The following DGKZ variants were observed in gnomAD, a reference collection of about 807,000 sequenced individuals.
The protein encoded by DGKZ is DAG kinase zeta.
Under a neutral mutation model 142.5 loss-of-function variants are expected in DGKZ, and 45 were observed. That is an observed-to-expected ratio of 0.32 (90% CI 0.25 to 0.40). The LOEUF (loss-of-function observed/expected upper bound fraction) is 0.40. DGKZ is among the 10% of genes least tolerant of loss of function. The pLI is 1.00. For missense variants in DGKZ, 755 were observed against 1,306.5 expected, an observed-to-expected ratio of 0.58 and a Z score of 6.51; for synonymous variants, 442 against 527.0, an observed-to-expected ratio of 0.84 and a Z score of 2.21.
rs539478353 is a variant in DGKZ, at chr11:46,367,274, TGTC to T, written c.162-16_162-14del. The T allele has an allele frequency of 2.4e-3, 3,823 of 1,606,350 alleles. 8 individuals carry two copies. The highest frequency in any genetic ancestry group is 2.9e-3 in the Non-Finnish European group (3,354 of 1,175,438). On this transcript the variant is annotated splice_polypyrimidine_tract_variant and intron_variant, in intron 1 of 30. Transcript: ENST00000527911. This position sits in a 1 kb window ranked among gnomAD's most constrained non-coding sequence, Gnocchi z 4.1. ...GCAAGTGCTCAGCCCCCTCCTCAGCTGTCTTCTCCTCTCTAGGAAAGCCATCAC... is the reference window on the plus strand; with the variant it reads ...GCAAGTGCTCAGCCCCCTCCTCAGCTTTCTCCTCTCTAGGAAAGCCATCAC...
intron 1 of DGKZ, among the ~76,000 whole-genome samples, chr11:46,356,581 G>A (rs1942042972): frequency 6.6e-6 from 1 of 152,160 alleles, no homozygotes; most frequent in African/African-American, 2.4e-5. Context: ...AGTAGAGAGG[G>A]GAGTGGTATT....
chr11:46,362,702 C>G (rs1305652514), intron 1 of DGKZ, among the ~76,000 whole-genome samples: 2 of 152,218 alleles, frequency 1.3e-5, no homozygotes, highest in Non-Finnish European at 2.9e-5. Context: ...TGCCAACGCC[C>G]TTGAAACTAG....
intron 1 of DGKZ, chr11:46,364,428 A>T (rs1943032566): frequency 7.8e-7 from 1 of 1,287,296 alleles, no homozygotes; most frequent in Non-Finnish European, 1.0e-6. Flanking sequence ...CTCTCCACCC[A>T]TGCCTGCTGT....
chr11:46,335,041 C>T (rs934762722), intron 1 of DGKZ, among the ~76,000 whole-genome samples: 14 of 152,064 alleles, frequency 9.2e-5, no homozygotes, highest in African/African-American at 2.4e-4. Flanking sequence ...AGGCTGGGCG[C>T]GGTGACTCAC....
Position 46,375,065 on chromosome 11 carries a change from A to G in DGKZ, c.1710+20A>G, listed in dbSNP as rs372454957. 8.3e-6 allele frequency: 13 copies of G among 1,567,602 alleles called. No individual in the cohort carries two copies. The African/African-American group carries it at 9.5e-5, about 11-fold the overall frequency. Reference sequence around the variant, plus strand: ...TCGTTGGTGAGTGGGCCCTGGGCCCATGGTGCCTGGGAGCACAGCCCAAAG... The same window carrying G: ...TCGTTGGTGAGTGGGCCCTGGGCCCGTGGTGCCTGGGAGCACAGCCCAAAG... On this transcript the variant is annotated intron_variant, in intron 19 of 30. Coordinates refer to ENST00000527911, the Ensembl canonical transcript of DGKZ.
At chr11:46,362,954 G>T (rs186596753) in intron 1 of DGKZ, among the ~76,000 whole-genome samples, 5 of 152,312 alleles carry the variant, frequency 3.3e-5, no homozygotes, top group African/African-American at 9.6e-5. Flanking sequence ...GGGTTGATGG[G>T]GTCCCCTGAG....
intron 25 of DGKZ, 69 bp from the exon 26 acceptor site, chr11:46,378,129 T>C: frequency 1.9e-6 from 3 of 1,551,032 alleles, no homozygotes; most frequent in East Asian, 2.3e-5. Flanking sequence ...ATGCCCCCAG[T>C]TGGGGTTGGG....
intron 1 of DGKZ, among the ~76,000 whole-genome samples, chr11:46,353,048 G>A (rs1941602898): frequency 6.6e-6 from 1 of 152,268 alleles, no homozygotes; most frequent in Non-Finnish European, 1.5e-5. Context: ...GGCCGCGGAG[G>A]GGAGGGAGAG....
exon 25 of DGKZ, chr11:46,377,087 T>C (rs938528331): frequency 1.9e-6 from 3 of 1,613,272 alleles, no homozygotes; most frequent in Admixed American, 3.3e-5. Flanking sequence ...ACCTCAACTA[T>C]GTGACTGAGA....
At chr11:46,373,145 G>C (rs1167148747) in intron 14 of DGKZ, 44 bp downstream of exon 14, 1 of 1,504,388 alleles carries the variant, frequency 6.6e-7, no homozygotes, top group Non-Finnish European at 8.9e-7. Flanking sequence ...GGTGACTGGG[G>C]ACTGGATCCC....
chr11:46,379,641 G>A lies in DGKZ; in HGVS notation c.2688+73G>A. On this transcript the variant is annotated intron_variant, in intron 30 of 30. Coordinates refer to ENST00000527911, the Ensembl canonical transcript of DGKZ. Reference sequence around the variant, plus strand: ...TTCCCAAGGTCCTAGGCGGGAGCTGGGGCTGGGGGCTGTCCCTGGGAAGAC... The same window carrying A: ...TTCCCAAGGTCCTAGGCGGGAGCTGAGGCTGGGGGCTGTCCCTGGGAAGAC... 3.6e-6 allele frequency: 5 copies of A among 1,391,786 alleles called. No homozygotes were observed. The South Asian group carries it at 6.9e-5, about 19-fold the overall frequency. The allele number at this position is 1,391,786 out of a possible 1,614,324, so 86.2% of individuals were successfully genotyped here.
upstream of DGKZ, among the ~76,000 whole-genome samples, chr11:46,343,081 G>T (rs1481276258): frequency 6.6e-6 from 1 of 151,582 alleles, no homozygotes; most frequent in South Asian, 2.1e-4. Context: ...CAGAGATCAC[G>T]CCACTACACT....
intron 1 of DGKZ, among the ~76,000 whole-genome samples, chr11:46,354,765 G>A (rs961594768): frequency 6.6e-6 from 1 of 152,182 alleles, no homozygotes; most frequent in Non-Finnish European, 1.5e-5. Flanking sequence ...ATACAGTGCT[G>A]TTTCGTATGA....
chr11:46,333,355 G>C (rs1202605928), exon 1 of DGKZ: 1 of 1,369,160 alleles, frequency 7.3e-7, no homozygotes, highest in Non-Finnish European at 9.4e-7. Flanking sequence ...GAGGTGGTGC[G>C]GCGGCGATGC....
chr11:46,344,907 G>A (rs182728784), upstream of DGKZ, among the ~76,000 whole-genome samples: 3 of 152,258 alleles, frequency 2.0e-5, no homozygotes, highest in South Asian at 4.1e-4. Context: ...CACAGAGCTG[G>A]TAAGAGGCAG....
rs1377127429 is a variant in DGKZ, at chr11:46,378,987, T to G, written c.2419-4T>G. The G allele has an allele frequency of 3.2e-6, 5 of 1,541,788 alleles. No individual in the cohort carries two copies. Among genetic ancestry groups the G allele is most frequent in the Non-Finnish European group, 3.5e-6 (4 of 1,152,554 alleles). On this transcript the variant is annotated splice_region_variant and splice_polypyrimidine_tract_variant and intron_variant, in intron 27 of 30. Coordinates refer to ENST00000527911, the Ensembl canonical transcript of DGKZ. ...TCCAGCCCTGCCATGCCTCCTGCCCTCAGCTCCAGGAGCTGCACCGAGCTG... is the reference window on the plus strand; with the variant it reads ...TCCAGCCCTGCCATGCCTCCTGCCCGCAGCTCCAGGAGCTGCACCGAGCTG...
intron 18 of DGKZ, 29 bp from the exon 19 acceptor site, chr11:46,374,905 G>A: frequency 6.4e-7 from 1 of 1,573,704 alleles, no homozygotes. Context: ...ACTGTGTTTT[G>A]AGGCCCATGT....
At chr11:46,378,927 T>C (rs1235437892) in intron 27 of DGKZ, 64 bp from the exon 28 acceptor site, 1 of 1,497,706 alleles carries the variant, frequency 6.7e-7, no homozygotes, top group Non-Finnish European at 8.8e-7. Context: ...TGGGCCAGCG[T>C]GTGAGCTCAG....
chr11:46,342,260 G>A (rs901408788), intron 1 of DGKZ, among the ~76,000 whole-genome samples: 2 of 152,168 alleles, frequency 1.3e-5, no homozygotes, highest in African/African-American at 4.8e-5. Context: ...GTCCCTTCCA[G>A]CCGTGTCCTC....
Sources: allele counts gnomAD v4.1 joint callset (sites outside exome capture counted in the v4.1 genomes callset), GRCh38; gene constraint gnomAD v4.1.1; non-coding constraint Gnocchi (gnomAD v3.1); transcripts MANE v1.5; gene names NCBI Gene and HGNC (gene_info 2026-07-23, HGNC 2026-07-21).